PAX7: variants seen among roughly 807,000 people sequenced by gnomAD.
PAX7 encodes paired box 7.
Under a neutral mutation model 50.7 loss-of-function variants are expected in PAX7, and 18 were observed. The ratio of observed to expected loss-of-function variants is 0.36; its 90% CI spans 0.25 to 0.53. The LOEUF is 0.53. Ranked by LOEUF, PAX7 falls within the 20% of genes least tolerant of loss-of-function variation. The pLI is 0.93. For synonymous variants in PAX7, 310 were observed against 290.4 expected (o/e 1.07, Z -0.69); for missense variants, 644 against 702.9 (o/e 0.92, Z 0.95).
Position 18,655,915 on chromosome 1 carries a change from C to G in PAX7, c.586+19544C>G, listed in dbSNP as rs984796979. On this transcript the variant is annotated intron_variant, in intron 4 of 8. Coordinates refer to ENST00000420770, the MANE Select transcript of PAX7 (RefSeq NM_001135254.2). ...GTTTGTTCATCTACTTCCTTCCTTC[C>G]TGCATCTGTGTTTCATCAAAGGCGG... Among the ~76,000 whole-genome samples the G allele has an allele frequency of 4.6e-5, 7 of 151,988 alleles. No homozygotes were observed. In the East Asian group the frequency reaches 1.4e-3, roughly 29 times the overall value.
chr1:18,719,956 A>C (rs2089474242), intron 7 of PAX7, among the ~76,000 whole-genome samples: 1 of 152,218 alleles, frequency 6.6e-6, no homozygotes, highest in Non-Finnish European at 1.5e-5. Context: ...CTGAGCCCTA[A>C]GGGCTTGGAA....
intron 5 of PAX7, among the ~76,000 whole-genome samples, chr1:18,695,959 T>C (rs1298221856): frequency 6.6e-6 from 1 of 152,186 alleles, no homozygotes; most frequent in Non-Finnish European, 1.5e-5. Flanking sequence ...GGGTGGGATG[T>C]TCTGAACGGA....
At chr1:18,704,662 A>G (rs1185859271) in intron 7 of PAX7, among the ~76,000 whole-genome samples, 6 of 152,148 alleles carry the variant, frequency 3.9e-5, no homozygotes, top group South Asian at 2.1e-4. Context: ...CATGTGGTCC[A>G]CAAAGCCTAA....
At chr1:18,694,459 CG>C (rs1223340214) in intron 5 of PAX7, among the ~76,000 whole-genome samples, 75 of 128,940 alleles carry the variant, frequency 5.8e-4, no homozygotes, top group African/African-American at 2.3e-3. Context: ...AACTCTGTCT[CG>C]AAAATAAATA....
At chr1:18,678,889 T>C (rs921163564) in intron 4 of PAX7, among the ~76,000 whole-genome samples, 5 of 152,146 alleles carry the variant, frequency 3.3e-5, no homozygotes, top group African/African-American at 9.7e-5. Context: ...CGCTCAGAAG[T>C]GCCCATCGCG....
chr1:18,717,978 T>C (rs927285860), intron 7 of PAX7, among the ~76,000 whole-genome samples: 1 of 152,168 alleles, frequency 6.6e-6, no homozygotes, highest in African/African-American at 2.4e-5. Flanking sequence ...ATAGACCACC[T>C]AGAGCCCCGA....
intron 4 of PAX7, among the ~76,000 whole-genome samples, chr1:18,649,059 G>A (rs546661172): frequency 1.1e-3 from 175 of 152,202 alleles, no homozygotes; most frequent in Non-Finnish European, 2.1e-3. Flanking sequence ...TTCCTCTGCA[G>A]GCTGAGATTA....
intron 6 of PAX7, among the ~76,000 whole-genome samples, chr1:18,702,422 A>G (rs1029788632): frequency 1.3e-5 from 2 of 152,164 alleles, no homozygotes; most frequent in Non-Finnish European, 2.9e-5. Flanking sequence ...TCTGGAGGCC[A>G]AGGAAAGAGT....
At chr1:18,707,307 C>G (rs1334995121) in intron 7 of PAX7, among the ~76,000 whole-genome samples, 1 of 151,868 alleles carries the variant, frequency 6.6e-6, no homozygotes. Context: ...AGATCCTGCT[C>G]TGGGTGTTTT....
intron 4 of PAX7, among the ~76,000 whole-genome samples, chr1:18,667,434 G>GGAAA (rs1478647930): frequency 3.3e-5 from 5 of 151,170 alleles, no homozygotes; most frequent in African/African-American, 1.2e-4. Context: ...AAGGAAGGAA[G>GGAAA]GAAGGAAGGA....
chr1:18,729,943 A>C (rs1291637963), intron 7 of PAX7, among the ~76,000 whole-genome samples: 1 of 152,230 alleles, frequency 6.6e-6, no homozygotes, highest in African/African-American at 2.4e-5. Context: ...AAAGATGAAA[A>C]ACTGCACAGC....
chr1:18,703,337 G>C, intron 7 of PAX7, 41 bp downstream of exon 7: 1 of 1,574,470 alleles, frequency 6.4e-7, no homozygotes. Flanking sequence ...CCACCGCCAC[G>C]AAAGTCAGAC....
At chr1:18,732,538 G>A (rs568751498) in intron 7 of PAX7, among the ~76,000 whole-genome samples, 23 of 152,206 alleles carry the variant, frequency 1.5e-4, no homozygotes, top group Non-Finnish European at 2.8e-4. Context: ...GGACGAATAC[G>A]TGAATGAATG....
chr1:18,725,985 T>C (rs898121357), intron 7 of PAX7, among the ~76,000 whole-genome samples: 2 of 142,634 alleles, frequency 1.4e-5, no homozygotes, highest in African/African-American at 5.4e-5. Context: ...GAAGAGTGTG[T>C]GTGTGTGTGC....
In PAX7 at chr1:18,716,521, C is replaced by A. The variant is rs1162369768; in HGVS notation, c.1155+13225C>A. On this transcript the variant is annotated intron_variant, in intron 7 of 8. Transcript: ENST00000420770. ...TGTTTTTTGTTTTTTGTTTTTTTCA[C>A]ACACTCTCTGCTTCCTATTTCTTTC... Among the ~76,000 whole-genome samples, 5 of 150,284 alleles carry A rather than the reference C, an allele frequency of 3.3e-5. No homozygotes were observed. In the East Asian group the frequency reaches 9.8e-4, roughly 30 times the overall value.
intron 4 of PAX7, among the ~76,000 whole-genome samples, chr1:18,641,756 T>A (rs925796334): frequency 3.9e-5 from 6 of 151,978 alleles, no homozygotes; most frequent in Non-Finnish European, 8.8e-5. Flanking sequence ...GGAGGGGAGA[T>A]TTACCAGACA....
rs1263643660 is a variant in PAX7, at chr1:18,744,705, G to GATAA, written c.1403-107_1403-106insAAAT. The GATAA allele has an allele frequency of 2.9e-3, 1,737 of 598,042 alleles. 27 individuals carry two copies. In the African/African-American group the frequency reaches 0.029, roughly 10 times the overall value. The allele number at this position is 598,042 out of a possible 1,614,324, so 37.0% of individuals were successfully genotyped here. A position where few individuals can be genotyped will look rare whatever the true frequency, so the allele number is the denominator to read the frequency against. ...GGATGGATAAATGGATGGATGGATG[G>GATAA]ATGGATGGATGGATGGATGGATGGA... On this transcript the variant is annotated intron_variant, in intron 8 of 8. Coordinates refer to ENST00000420770, the MANE Select transcript of PAX7 (RefSeq NM_001135254.2).
intron 4 of PAX7, among the ~76,000 whole-genome samples, chr1:18,680,786 G>C (rs928284629): frequency 1.3e-5 from 2 of 152,180 alleles, no homozygotes; most frequent in Non-Finnish European, 2.9e-5. Flanking sequence ...ATGAGTAAAT[G>C]ATTGAAATAA....
chr1:18,737,336 C>A (rs12145248), intron 8 of PAX7, among the ~76,000 whole-genome samples: 1 of 152,224 alleles, frequency 6.6e-6, no homozygotes, highest in Non-Finnish European at 1.5e-5. Flanking sequence ...CCCACCCCCC[C>A]AAACCCACTC....
Sources: allele counts gnomAD v4.1 joint callset (sites outside exome capture counted in the v4.1 genomes callset), GRCh38; gene constraint gnomAD v4.1.1; transcripts MANE v1.5; gene names NCBI Gene and HGNC (gene_info 2026-07-23, HGNC 2026-07-21).